The following NUBPL variants were observed in gnomAD, a reference collection of about 807,000 sequenced individuals.
The protein encoded by NUBPL is NUBP iron-sulfur cluster assembly factor, mitochondrial, also known as iron-sulfur cluster transfer protein NUBPL.
Under a neutral mutation model 45.7 loss-of-function variants are expected in NUBPL, and 31 were observed. The observed-to-expected ratio is 0.68, with a 90% CI of 0.51 to 0.92. The LOEUF (loss-of-function observed/expected upper bound fraction) is 0.92, where lower values mean the gene tolerates loss of function less well. NUBPL is among the 40% of genes least tolerant of loss of function. The pLI is 0.00. For missense variants in NUBPL, 401 were observed against 398.7 expected (o/e 1.01, Z -0.05); for synonymous variants, 144 against 140.9 (o/e 1.02, Z -0.15).
intron 6 of NUBPL, among the ~76,000 whole-genome samples, chr14:31,734,647 G>A (rs1485814370): frequency 6.6e-6 from 1 of 151,688 alleles, no homozygotes; most frequent in Non-Finnish European, 1.5e-5. Context: ...TAATTATTTT[G>A]TGCTTTTTAG....
At chr14:31,740,521 T>A (rs1243821551) in intron 6 of NUBPL, among the ~76,000 whole-genome samples, 1 of 152,242 alleles carries the variant, frequency 6.6e-6, no homozygotes, top group Non-Finnish European at 1.5e-5. Context: ...GTTGTTGAGT[T>A]TTAAGAGTTC....
chr14:31,846,401 A>C (rs2040453094), intron 8 of NUBPL, 70 bp from the exon 9 acceptor site: 2 of 1,325,654 alleles, frequency 1.5e-6, no homozygotes, highest in Admixed American at 3.9e-5. Flanking sequence ...GCACTCTGTA[A>C]AAATTTGTTG....
intron 6 of NUBPL, among the ~76,000 whole-genome samples, chr14:31,697,518 T>G (rs2037239634): frequency 6.6e-6 from 1 of 152,252 alleles, no homozygotes; most frequent in Non-Finnish European, 1.5e-5. Context: ...CAATGCAGAC[T>G]TAAAATTTTG....
chr14:31,747,486 T>C (rs1156814824), intron 6 of NUBPL, among the ~76,000 whole-genome samples: 1 of 152,216 alleles, frequency 6.6e-6, no homozygotes, highest in African/African-American at 2.4e-5. Flanking sequence ...GATCCCATCT[T>C]ATTACTCATT....
At chr14:31,579,255 A>G (rs534556782) in intron 3 of NUBPL, among the ~76,000 whole-genome samples, 3 of 152,336 alleles carry the variant, frequency 2.0e-5, no homozygotes, top group Admixed American at 1.3e-4. Flanking sequence ...AAGGATGACC[A>G]ATGCGTCTAA....
At chr14:31,855,855 C>T (rs2040608917) in intron 10 of NUBPL, among the ~76,000 whole-genome samples, 1 of 152,118 alleles carries the variant, frequency 6.6e-6, no homozygotes, top group Admixed American at 6.5e-5. Context: ...CTCTTACTAG[C>T]TATAATGTTT....
intron 6 of NUBPL, among the ~76,000 whole-genome samples, chr14:31,701,550 G>A (rs1188276210): frequency 6.6e-5 from 10 of 152,344 alleles, no homozygotes; most frequent in South Asian, 2.1e-4. Context: ...CTTTGGGTCC[G>A]CGCCGCCTTT....
intron 3 of NUBPL, among the ~76,000 whole-genome samples, chr14:31,582,565 C>CT: frequency 6.6e-6 from 1 of 152,084 alleles, no homozygotes; most frequent in East Asian, 1.9e-4. Flanking sequence ...AGAACTTTCC[C>CT]TAGACGCTGT....
Position 31,674,330 on chromosome 14 carries a change from A to G in NUBPL, c.513+756A>G, listed in dbSNP as rs191991129. On this transcript the variant is annotated intron_variant, in intron 6 of 10. Coordinates refer to ENST00000281081, the MANE Select transcript of NUBPL (RefSeq NM_025152.3). ...GATAATTCTAATGGTAGATACTCCTATATTCATTTTCAGGTATACAATTAA... is the reference window on the plus strand; with the variant it reads ...GATAATTCTAATGGTAGATACTCCTGTATTCATTTTCAGGTATACAATTAA... Among the ~76,000 whole-genome samples the G allele has an allele frequency of 2.1e-3, 320 of 152,326 alleles. 1 individual carries two copies. Among genetic ancestry groups the G allele is most frequent in the African/African-American group, 7.0e-3 (293 of 41,578 alleles).
At chr14:31,858,822 C>T (rs1332169373) in intron 10 of NUBPL, among the ~76,000 whole-genome samples, 2 of 152,180 alleles carry the variant, frequency 1.3e-5, no homozygotes, top group African/African-American at 2.4e-5. Flanking sequence ...CTCTCTGCAA[C>T]TAGACTGGGT....
At chr14:31,735,581 CG>C (rs2038147278) in intron 6 of NUBPL, among the ~76,000 whole-genome samples, 1 of 152,136 alleles carries the variant, frequency 6.6e-6, no homozygotes, top group Non-Finnish European at 1.5e-5. Context: ...TGGCCAGGCG[CG>C]GTGGCTCACG....
At chr14:31,711,655 C>T (rs978273541) in intron 6 of NUBPL, among the ~76,000 whole-genome samples, 9 of 152,132 alleles carry the variant, frequency 5.9e-5, no homozygotes, top group Non-Finnish European at 1.0e-4. Flanking sequence ...TTTGGTCCTT[C>T]AGATGTTCAG....
At chr14:31,829,372 G>A (rs1188558949) in intron 8 of NUBPL, among the ~76,000 whole-genome samples, 1 of 151,974 alleles carries the variant, frequency 6.6e-6, no homozygotes, top group Non-Finnish European at 1.5e-5. Flanking sequence ...AACAAGATAG[G>A]TATTCAGTAA....
chr14:31,832,064 T>A (rs1043083622), intron 8 of NUBPL, among the ~76,000 whole-genome samples: 3 of 152,226 alleles, frequency 2.0e-5, no homozygotes, highest in Non-Finnish European at 4.4e-5. Context: ...GAAGACAGTC[T>A]TATTTCATAA....
chr14:31,835,273 T>G (rs1389587211), intron 8 of NUBPL, among the ~76,000 whole-genome samples: 4 of 152,238 alleles, frequency 2.6e-5, no homozygotes, highest in Non-Finnish European at 5.9e-5. Flanking sequence ...TGACTCATTA[T>G]TATTTTAAGC....
intron 6 of NUBPL, among the ~76,000 whole-genome samples, chr14:31,749,799 T>C (rs1315131952): frequency 3.3e-5 from 5 of 152,170 alleles, no homozygotes; most frequent in African/African-American, 9.7e-5. Flanking sequence ...TTTTGGTGCC[T>C]TTTTTCATCT....
At chr14:31,832,758 G>A (rs1439733948) in intron 8 of NUBPL, among the ~76,000 whole-genome samples, 1 of 152,190 alleles carries the variant, frequency 6.6e-6, no homozygotes, top group Non-Finnish European at 1.5e-5. Flanking sequence ...AGCATGAGCT[G>A]AGGAGTTTGA....
intron 4 of NUBPL, among the ~76,000 whole-genome samples, chr14:31,636,732 A>G (rs1204959954): frequency 5.3e-5 from 8 of 152,136 alleles, no homozygotes; most frequent in African/African-American, 1.7e-4. Context: ...GAGTCTTTTT[A>G]GTTGGTAAGC....
chr14:31,836,097 A>G (rs1314646832), intron 8 of NUBPL, among the ~76,000 whole-genome samples: 5 of 152,216 alleles, frequency 3.3e-5, no homozygotes, highest in African/African-American at 4.8e-5. Flanking sequence ...CCTTAATTCA[A>G]TAGATTTAGA....
Sources: allele counts gnomAD v4.1 joint callset (sites outside exome capture counted in the v4.1 genomes callset), GRCh38; gene constraint gnomAD v4.1.1; transcripts MANE v1.5; gene names NCBI Gene and HGNC (gene_info 2026-07-23, HGNC 2026-07-21).